The following ZFAT variants were observed in gnomAD, a reference collection of about 807,000 sequenced individuals.
The protein encoded by ZFAT is zinc finger protein ZFAT.
A neutral mutation model predicts 117.7 loss-of-function variants in ZFAT; 64 were observed. The ratio of observed to expected loss-of-function variants is 0.54; its 90% CI spans 0.44 to 0.67. The LOEUF is 0.67. Ranked by LOEUF, ZFAT falls within the 30% of genes least tolerant of loss-of-function variation. The pLI is 0.00. For missense variants in ZFAT, 1,433 were observed against 1,584.5 expected (o/e 0.90, Z 1.62); for synonymous variants, 679 against 615.0 (o/e 1.10, Z -1.54).
chr8:134,741,961 A>G, the ZFAT span, among the ~76,000 whole-genome samples: 2 of 150,882 alleles, frequency 1.3e-5, no homozygotes, highest in African/African-American at 4.9e-5. Context: ...ACACCTCTTC[A>G]CCTGCGTACT....
chr8:134,526,951 A>C (rs527508693), intron 12 of ZFAT, among the ~76,000 whole-genome samples: 1 of 152,254 alleles, frequency 6.6e-6, no homozygotes, highest in East Asian at 1.9e-4. Flanking sequence ...GCCACATCCT[A>C]ATCCCCAGAA....
chr8:134,830,003 G>A, the ZFAT span, among the ~76,000 whole-genome samples: 1 of 152,102 alleles, frequency 6.6e-6, no homozygotes, highest in Non-Finnish European at 1.5e-5. Context: ...AAAAAACCAA[G>A]ATACGCACAG....
intron 1 of ZFAT, among the ~76,000 whole-genome samples, chr8:134,690,888 C>G (rs367596587): frequency 1.3e-5 from 2 of 152,364 alleles, no homozygotes; most frequent in East Asian, 3.9e-4. Flanking sequence ...ATCTGTCACT[C>G]ACCATGCTAG....
intron 10 of ZFAT, among the ~76,000 whole-genome samples, chr8:134,578,475 G>A (rs904841349): frequency 3.3e-5 from 5 of 151,542 alleles, no homozygotes; most frequent in Admixed American, 1.3e-4. Context: ...CTGGGGGAGA[G>A]TAGGAGAAGA....
chr8:134,692,239 G>C (rs1228702241), intron 1 of ZFAT, among the ~76,000 whole-genome samples: 1 of 152,176 alleles, frequency 6.6e-6, no homozygotes, highest in Non-Finnish European at 1.5e-5. Context: ...CCAATCCCCA[G>C]CAGAGGAGAA....
intron 12 of ZFAT, among the ~76,000 whole-genome samples, chr8:134,529,228 A>G (rs1033840809): frequency 1.3e-5 from 2 of 152,206 alleles, no homozygotes; most frequent in African/African-American, 4.8e-5. Flanking sequence ...TGGAAAGCCC[A>G]CTAAACCCCA....
the ZFAT span, among the ~76,000 whole-genome samples, chr8:134,822,197 A>AT: frequency 3.9e-5 from 6 of 152,186 alleles, no homozygotes; most frequent in African/African-American, 1.4e-4. Context: ...TAGTGTTCAA[A>AT]TTACAAGACA....
chr8:134,702,548 T>C (rs183021003), intron 1 of ZFAT, among the ~76,000 whole-genome samples: 58 of 152,332 alleles, frequency 3.8e-4, no homozygotes, highest in Middle Eastern at 6.8e-3. Context: ...GTTTCCCCTT[T>C]CACTTGGTTC....
the ZFAT span, among the ~76,000 whole-genome samples, chr8:134,762,191 C>T: frequency 2.6e-5 from 4 of 152,178 alleles, no homozygotes; most frequent in Admixed American, 2.6e-4. Flanking sequence ...AGCAAGGACC[C>T]AAATCAGAGG....
chr8:134,657,568 G>A lies in ZFAT; in HGVS notation c.189C>T (p.Thr63=), dbSNP rs370591703. The A allele has an allele frequency of 8.2e-5, 132 of 1,609,476 alleles. No individual in the cohort carries two copies. In the South Asian group the frequency reaches 8.3e-4, roughly 10 times the overall value. The stretch of plus-strand genomic sequence containing the variant: ...ACCCCCCAGCCCCCTTACCATCTCC[G>A]GTTTTGCTTGAGTTGGGGGGTTCAG... ...STPEPPNSSK[T]GDEFLVMKRK... The change falls in exon 2 of 16, where the codon ACC becomes ACT. Residue 63 remains threonine (T), a synonymous_variant. Coordinates refer to ENST00000377838, the MANE Select transcript of ZFAT (RefSeq NM_020863.4).
At chr8:134,662,335 T>C (rs1048619499) in intron 1 of ZFAT, among the ~76,000 whole-genome samples, 1 of 152,140 alleles carries the variant, frequency 6.6e-6, no homozygotes, top group African/African-American at 2.4e-5. Flanking sequence ...ATTCAGCTCA[T>C]AGCAAGCAAG....
chr8:134,782,505 A>G, the ZFAT span, among the ~76,000 whole-genome samples: 1 of 152,228 alleles, frequency 6.6e-6, no homozygotes, highest in Non-Finnish European at 1.5e-5. Context: ...GAAATACATG[A>G]AAATATTAAT....
intron 2 of ZFAT, among the ~76,000 whole-genome samples, chr8:134,638,111 G>A (rs1304831307): frequency 6.6e-6 from 1 of 152,164 alleles, no homozygotes; most frequent in Non-Finnish European, 1.5e-5. Flanking sequence ...CTCAAAGGCT[G>A]CTGAGCTTGT....
At chr8:134,538,512 A>T (rs912190776) in intron 11 of ZFAT, among the ~76,000 whole-genome samples, 12 of 152,192 alleles carry the variant, frequency 7.9e-5, no homozygotes, top group African/African-American at 2.9e-4. Context: ...CAAAAGGTAT[A>T]TTGGGCCAGG....
intron 15 of ZFAT, among the ~76,000 whole-genome samples, chr8:134,505,668 G>A (rs1224083398): frequency 2.0e-5 from 3 of 152,120 alleles, no homozygotes; most frequent in Non-Finnish European, 4.4e-5. Context: ...TGCTGGCTCT[G>A]GGGATGGAGG....
chr8:134,526,843 ATTTTTT>A (rs1821057793), intron 12 of ZFAT, among the ~76,000 whole-genome samples: 1 of 147,918 alleles, frequency 6.8e-6, no homozygotes, highest in South Asian at 2.1e-4. Context: ...CTTTTTTTTT[ATTTTTT>A]ATTTTTTTTT....
chr8:134,481,518 G>C (rs955756159), intron 15 of ZFAT, among the ~76,000 whole-genome samples: 2 of 152,196 alleles, frequency 1.3e-5, no homozygotes, highest in South Asian at 4.1e-4. Flanking sequence ...TTTTCCACTG[G>C]CTAAAAACTC....
At chr8:134,618,962 A>T (rs1028076028) in intron 3 of ZFAT, among the ~76,000 whole-genome samples, 1 of 152,176 alleles carries the variant, frequency 6.6e-6, no homozygotes, top group Non-Finnish European at 1.5e-5. Context: ...AAATAACTAA[A>T]CCACACAGCA....
chr8:134,561,812 A>T (rs1457647142), intron 11 of ZFAT, among the ~76,000 whole-genome samples: 1 of 152,186 alleles, frequency 6.6e-6, no homozygotes, highest in Non-Finnish European at 1.5e-5. Flanking sequence ...TGGTATATGT[A>T]TGAATATCAT....
Sources: allele counts gnomAD v4.1 joint callset (sites outside exome capture counted in the v4.1 genomes callset), GRCh38; gene constraint gnomAD v4.1.1; transcripts MANE v1.5; gene names NCBI Gene and HGNC (gene_info 2026-07-23, HGNC 2026-07-21).